SEMA3G: variants seen among roughly 807,000 people sequenced by gnomAD.
SEMA3G encodes the protein semaphorin-3G.
A neutral mutation model predicts 86.2 loss-of-function variants in SEMA3G; 70 were observed. The observed-to-expected ratio is 0.81, with a 90% CI of 0.67 to 0.99. SEMA3G has a LOEUF of 0.99. Ranked by LOEUF, SEMA3G falls within the 50% of genes least tolerant of loss-of-function variation. The probability of loss-of-function intolerance (pLI) is 0.00; values close to 1 mark genes in which losing one functional copy is unlikely to be tolerated. For missense variants in SEMA3G, 1,002 were observed against 1,072.4 expected (o/e 0.93, Z 0.92); for synonymous variants, 416 against 441.4 (o/e 0.94, Z 0.72).
intron 5 of SEMA3G, 45 bp from the exon 6 acceptor site, chr3:52,441,735 C>A (rs776354249): frequency 6.3e-7 from 1 of 1,593,952 alleles, no homozygotes; most frequent in Non-Finnish European, 8.6e-7. Context: ...GAGGCCCAGG[C>A]CCAGCAGCCG....
At chr3:52,437,286 T>G (rs1706063151) in intron 15 of SEMA3G, among the ~76,000 whole-genome samples, 1 of 152,138 alleles carries the variant, frequency 6.6e-6, no homozygotes, top group African/African-American at 2.4e-5. Flanking sequence ...CCCTCTTCTC[T>G]CTCTTCCATC....
Position 52,435,957 on chromosome 3 carries a change from A to G in SEMA3G, c.1995T>C (p.Thr665=). ...CTTLEHGFSQ[T]VVRLALVVIV... ...TCACCACCAGAGCCAGGCGGACCAC[A>G]GTCTGGGAGAAGCCATGCTCCAGAG... Residue 665 remains threonine (T), a synonymous_variant, in exon 16 of 16, where the codon ACT becomes ACC. Transcript: ENST00000231721. 1.2e-6 allele frequency: 2 copies of G among 1,614,012 alleles called. No individual in the cohort carries two copies. Among genetic ancestry groups the G allele is most frequent in the Non-Finnish European group, 1.7e-6 (2 of 1,180,030 alleles).
Position 52,436,189 on chromosome 3 carries a change from A to G in SEMA3G, c.1879-116T>C. On this transcript the variant is annotated intron_variant, in intron 15 of 15. Coordinates refer to ENST00000231721, the MANE Select transcript of SEMA3G (RefSeq NM_020163.3). Reference sequence around the variant, plus strand: ...CCAGTGCCTGGGCACTTCTTGCCCTATTCTCCCCTTCCCAGGAGGGGACCA... The same window carrying G: ...CCAGTGCCTGGGCACTTCTTGCCCTGTTCTCCCCTTCCCAGGAGGGGACCA... 3.5e-6 allele frequency: 5 copies of G among 1,446,782 alleles called. No homozygotes were observed. The South Asian group carries it at 5.8e-5, about 17-fold the overall frequency. The allele number at this position is 1,446,782 out of a possible 1,614,324, so 89.6% of individuals were successfully genotyped here. A position where few individuals can be genotyped will look rare whatever the true frequency, so the allele number is the denominator to read the frequency against.
chr3:52,438,351 C>T (rs1706088041), intron 13 of SEMA3G, 152 bp from the exon 14 acceptor site: 1 of 1,417,174 alleles, frequency 7.1e-7, no homozygotes, highest in Non-Finnish European at 9.4e-7. Flanking sequence ...AAGTGTTTAT[C>T]ACCCATCTGC....
chr3:52,438,132 C>T lies in SEMA3G; in HGVS notation c.1577G>A (p.Gly526Asp). The change falls in exon 14 of 16, where the codon GGC becomes GAC. Residue 526 changes from glycine to aspartate, a missense_variant. Physicochemically the swap from Gly to Asp is moderately conservative, Grantham distance 94 (BLOSUM62 -1). Transcript: ENST00000231721. The part of the protein sequence containing the change: ...QLRLHQCETY[G>D]TACAECCLAR... ...CAGGCAGCACTCTGCACAGGCAGTG[C>T]CGTAAGTCTCACATTGGTGCAGCCG... is the stretch of plus-strand genomic sequence containing the variant. 1 of 1,613,272 alleles carries T rather than the reference C, an allele frequency of 6.2e-7. No individual in the cohort carries two copies. Among genetic ancestry groups the T allele is most frequent in the Non-Finnish European group, 8.5e-7 (1 of 1,180,022 alleles).
At position 52,440,771 on chromosome 3, in the gene SEMA3G, C is replaced by CG; in HGVS notation, c.980dup (p.Leu328AlafsTer76). ...GTGCCCACCTGACGGTGCTGAACAGCGCGTACACCTCGAGGCTCTTCCCGG... is the reference window on the plus strand; with the variant it reads ...GTGCCCACCTGACGGTGCTGAACAGCGGCGTACACCTCGAGGCTCTTCCCGG... On this transcript the variant is annotated frameshift_variant, in exon 9 of 16. Coordinates refer to ENST00000231721, the MANE Select transcript of SEMA3G (RefSeq NM_020163.3). LOFTEE classifies it high-confidence loss of function. 6.2e-7 allele frequency: 1 copy of CG among 1,613,038 alleles called. No individual in the cohort carries two copies. The highest frequency in any genetic ancestry group is 2.2e-5 in the East Asian group (1 of 44,878).
chr3:52,435,318 G>A lies in SEMA3G; in HGVS notation c.*285C>T, dbSNP rs1212598597. On this transcript the variant is annotated 3_prime_UTR_variant, in exon 16 of 16. Coordinates refer to ENST00000231721, the MANE Select transcript of SEMA3G (RefSeq NM_020163.3). ...CTGGGCACACCCGGAAATGTGTTGC[G>A]GAAGCCAGGCCATCTCTGAGAACAA... 1.7e-5 allele frequency: 8 copies of A among 484,306 alleles called. No homozygotes were observed. Among genetic ancestry groups the A allele is most frequent in the African/African-American group, 9.7e-5 (5 of 51,486 alleles). 30.0% of individuals were successfully genotyped at this position (484,306 alleles called of 1,614,324 possible).
Position 52,435,704 on chromosome 3 carries a change from C to T in SEMA3G, c.2248G>A (p.Ala750Thr), listed in dbSNP as rs771177430. ...CFRSRSRGKQ[A>T]RGKSWAGLEL... is the part of the protein sequence containing the mutation. ...AGCCCTGCCCAGCTCTTGCCCCTGG[C>T]CTGCTTGCCCCGGCTCCGGCTCCGG... is the stretch of plus-strand genomic sequence containing the variant. Residue 750 changes from alanine to threonine, a missense_variant, in exon 16 of 16, where the codon GCC becomes ACC. Coordinates refer to ENST00000231721, the MANE Select transcript of SEMA3G (RefSeq NM_020163.3). 6.2e-7 allele frequency: 1 copy of T among 1,614,008 alleles called. No individual in the cohort carries two copies. Among genetic ancestry groups the T allele is most frequent in the Admixed American group, 1.7e-5 (1 of 60,010 alleles).
chr3:52,443,206 C>G, intron 1 of SEMA3G: 1 of 525,926 alleles, frequency 1.9e-6, no homozygotes, highest in Non-Finnish European at 3.4e-6. Context: ...GTGCCCTACC[C>G]AGTCCCCAGG....
At chr3:52,437,105 C>G (rs1040150817) in intron 15 of SEMA3G, among the ~76,000 whole-genome samples, 1 of 152,160 alleles carries the variant, frequency 6.6e-6, no homozygotes, top group Non-Finnish European at 1.5e-5. Context: ...CCAGAAGGTT[C>G]TCTTCTGTTG....
Position 52,439,748 on chromosome 3 carries a change from T to A in SEMA3G, c.1399A>T (p.Ile467Phe). Residue 467 changes from isoleucine (I) to phenylalanine (F), a missense_variant, in exon 12 of 16, where the codon ATC becomes TTC. By Grantham distance (21) the Ile-to-Phe change is conservative. Coordinates refer to ENST00000231721, the MANE Select transcript of SEMA3G (RefSeq NM_020163.3). ...GTDSGSVLKV[I>F]ALQAGGSAEP... ...GCTGAGCCCCCTGCCTGGAGAGCGA[T>A]GACTTTGAGCACAGACCCTGAGTCT... 1 of 1,614,000 alleles carries A rather than the reference T, an allele frequency of 6.2e-7. No homozygotes were observed. The highest frequency in any genetic ancestry group is 8.5e-7 in the Non-Finnish European group (1 of 1,180,000).
In SEMA3G at chr3:52,442,726, T is replaced by C. The variant is rs1191696194; in HGVS notation, c.276+21A>G. On this transcript the variant is annotated intron_variant, in intron 2 of 15. Coordinates refer to ENST00000231721, the MANE Select transcript of SEMA3G (RefSeq NM_020163.3). The surrounding 1 kb of genome is among the most constrained non-coding windows in gnomAD (Gnocchi z 6.1). ...GTGCCCAGTTCTCAAACAGACCCTCTTCCCTGCCAGTCCAGCTCACCTCCC... is the reference window on the plus strand; with the variant it reads ...GTGCCCAGTTCTCAAACAGACCCTCCTCCCTGCCAGTCCAGCTCACCTCCC... The C allele has an allele frequency of 6.2e-7, 1 of 1,613,624 alleles. No homozygotes were observed. Among genetic ancestry groups the C allele is most frequent in the East Asian group, 2.2e-5 (1 of 44,858 alleles).
chr3:52,438,832 C>CGAGGAGGCTGCGGAGCAGGGGCAGAG (rs1269879732), intron 13 of SEMA3G, 88 bp downstream of exon 13: 23 of 1,575,324 alleles, frequency 1.5e-5, no homozygotes, highest in Middle Eastern at 1.7e-4. Context: ...CAGTGGAGCT[C>CGAGGAGGCTGCGGAGCAGGGGCAGAG]GAGGAGGCTG....
Position 52,439,852 on chromosome 3 carries a change from G to A in SEMA3G, c.1375+15C>T, listed in dbSNP as rs765516034. The A allele has an allele frequency of 6.2e-6, 10 of 1,611,880 alleles. No homozygotes were observed. In the East Asian group the frequency reaches 2.2e-4, roughly 36 times the overall value. On this transcript the variant is annotated intron_variant, in intron 11 of 15. Coordinates refer to ENST00000231721, the MANE Select transcript of SEMA3G (RefSeq NM_020163.3). ...ACCCCTCTCCAGCCTGGCCACCCTG[G>A]CTCAGCTGTCCTACCAGTCCCCAGG...
chr3:52,441,628 T>C lies in SEMA3G; in HGVS notation c.613A>G (p.Ser205Gly). 6.2e-7 allele frequency: 1 copy of C among 1,613,736 alleles called. No homozygotes were observed. Residue 205 changes from serine (S) to glycine (G), a missense_variant, in exon 6 of 16, where the codon AGT (serine) becomes GGT (glycine). Physicochemically the swap from Ser to Gly is moderately conservative, Grantham distance 56. Coordinates refer to ENST00000231721, the MANE Select transcript of SEMA3G (RefSeq NM_020163.3). Reference sequence around the variant, plus strand: ...CGCAGAGCTGGCCGAGGACCTCCACTTCGGAAGATCATGGCCTCTCGCCCC... The same window carrying C: ...CGCAGAGCTGGCCGAGGACCTCCACCTCGGAAGATCATGGCCTCTCGCCCC... The part of the protein sequence containing the change: ...FLGREAMIFR[S>G]GGPRPALRSD...
chr3:52,435,723 G>A lies in SEMA3G; in HGVS notation c.2229C>T (p.Ser743=). 6.2e-7 allele frequency: 1 copy of A among 1,614,042 alleles called. No individual in the cohort carries two copies. The highest frequency in any genetic ancestry group is 8.5e-7 in the Non-Finnish European group (1 of 1,179,998). The change falls in exon 16 of 16, where the codon AGC becomes AGT. Residue 743 remains serine, a synonymous_variant. Transcript: ENST00000231721. ...GTTECSGCFR[S]RSRGKQARGK... ...CCCTGGCCTGCTTGCCCCGGCTCCG[G>A]CTCCGGAAGCAGCCTGAGCATTCCG...
rs1346311517 is a variant in SEMA3G at position 52,437,662 on chromosome 3, C to T, written c.1743G>A (p.Glu581=). 6.2e-7 allele frequency: 1 copy of T among 1,610,830 alleles called. No individual in the cohort carries two copies. The highest frequency in any genetic ancestry group is 8.5e-7 in the Non-Finnish European group (1 of 1,178,212). ...LQCLGQSQEE[E]AVGLVAATMV... ...TGGTGGCTGCCACAAGTCCCACTGC[C>T]TCTTCTGGAGAGAGGCAGAGGTTGG... The change falls in exon 15 of 16, where the codon GAG becomes GAA. Residue 581 remains glutamate (E), a synonymous_variant. Transcript: ENST00000231721.
intron 12 of SEMA3G, 122 bp downstream of exon 12, chr3:52,439,558 G>T: frequency 2.6e-6 from 2 of 767,776 alleles, no homozygotes; most frequent in South Asian, 3.2e-5. Context: ...CCAGCATCCT[G>T]CCAGCTGCAA....
intron 1 of SEMA3G, among the ~76,000 whole-genome samples, chr3:52,443,968 G>T (rs1706210278): frequency 6.6e-6 from 1 of 152,178 alleles, no homozygotes; most frequent in South Asian, 2.1e-4. Context: ...CACATGTCTA[G>T]GGTAGAACAC....
Sources: allele counts gnomAD v4.1 joint callset (sites outside exome capture counted in the v4.1 genomes callset), GRCh38; gene constraint gnomAD v4.1.1; non-coding constraint Gnocchi (gnomAD v3.1); transcripts MANE v1.5; gene names NCBI Gene and HGNC (gene_info 2026-07-23, HGNC 2026-07-21).